The following PTPRT variants were observed in gnomAD, a reference collection of about 807,000 sequenced individuals.
PTPRT encodes protein tyrosine phosphatase receptor type T.
In PTPRT, 56 loss-of-function variants were observed where a neutral mutation model predicts 176.8. The ratio of observed to expected loss-of-function variants is 0.32; its 90% CI spans 0.26 to 0.40. The LOEUF (loss-of-function observed/expected upper bound fraction) is 0.40, where lower values mean the gene tolerates loss of function less well. Ranked by LOEUF, PTPRT falls within the 10% of genes least tolerant of loss-of-function variation. PTPRT has a pLI of 1.00. For missense variants in PTPRT, 1,540 were observed against 1,908.2 expected (o/e 0.81, Z 3.60); for synonymous variants, 783 against 739.0 (o/e 1.06, Z -0.96).
At chr20:43,083,349 T>TACATATATATATATATATATATATATAC (rs1568774159) in intron 1 of PTPRT, among the ~76,000 whole-genome samples, 3 of 117,402 alleles carry the variant, frequency 2.6e-5, no homozygotes, top group African/African-American at 1.0e-4. Context: ...TATATATATA[T>TACATATATATATATATATATATATATAC]ATATATATAT....
At chr20:42,491,723 G>T (rs1048413736) in intron 7 of PTPRT, among the ~76,000 whole-genome samples, 1 of 152,082 alleles carries the variant, frequency 6.6e-6, no homozygotes, top group African/African-American at 2.4e-5. Context: ...CCAACTTCCA[G>T]ATCTATGAGA....
At chr20:42,103,754 A>G (rs1368589978) in intron 25 of PTPRT, among the ~76,000 whole-genome samples, 1 of 152,236 alleles carries the variant, frequency 6.6e-6, no homozygotes, top group Non-Finnish European at 1.5e-5. Context: ...CCAGGGATGA[A>G]GGAGCATGAA....
chr20:42,269,425 TG>T (rs915319716), intron 13 of PTPRT, among the ~76,000 whole-genome samples: 25 of 152,170 alleles, frequency 1.6e-4, no homozygotes, highest in African/African-American at 6.0e-4. Flanking sequence ...GCAAGGACTT[TG>T]AGAGAGGTGA....
At chr20:42,899,439 T>A (rs1168424036) in intron 1 of PTPRT, among the ~76,000 whole-genome samples, 1 of 152,238 alleles carries the variant, frequency 6.6e-6, no homozygotes, top group Non-Finnish European at 1.5e-5. Context: ...GGAACACTCT[T>A]GCCCTAGCAC....
chr20:43,111,077 G>A (rs973647850), intron 1 of PTPRT, among the ~76,000 whole-genome samples: 1 of 152,178 alleles, frequency 6.6e-6, no homozygotes, highest in African/African-American at 2.4e-5. Context: ...AAGGAAACAT[G>A]AGTTATCGTG....
intron 16 of PTPRT, among the ~76,000 whole-genome samples, chr20:42,198,548 G>T (rs1991323462): frequency 6.6e-6 from 1 of 152,208 alleles, no homozygotes; most frequent in African/African-American, 2.4e-5. Flanking sequence ...AAGCAAGTCT[G>T]TCCACAAGGA....
intron 18 of PTPRT, among the ~76,000 whole-genome samples, chr20:42,131,667 C>T (rs535944706): frequency 6.6e-6 from 1 of 152,246 alleles, no homozygotes; most frequent in South Asian, 2.1e-4. Flanking sequence ...CTACTATGTG[C>T]CAGGCTAGTT....
At chr20:42,110,950 G>GTGAT (rs890241588) in intron 22 of PTPRT, among the ~76,000 whole-genome samples, 2 of 152,250 alleles carry the variant, frequency 1.3e-5, no homozygotes, top group African/African-American at 4.8e-5. Context: ...AGCCTTGGCT[G>GTGAT]TGATAGTCTG....
Position 43,086,489 on chromosome 20 carries a change from C to G in PTPRT, c.88+103157G>C, listed in dbSNP as rs187784839. 4.6e-5 allele frequency among the ~76,000 whole-genome samples: 7 copies of G among 152,356 alleles called. No homozygotes were observed. In the South Asian group the frequency reaches 1.2e-3, roughly 27 times the overall value. ...ACTTCAGAAATGACTTTAACATCGA[C>G]AGCCAAAGCAAAACCTTTAACTAGA... On this transcript the variant is annotated intron_variant, in intron 1 of 30. Transcript: ENST00000373187.
chr20:43,104,027 C>A (rs1461277524), intron 1 of PTPRT, among the ~76,000 whole-genome samples: 1 of 152,188 alleles, frequency 6.6e-6, no homozygotes, highest in Non-Finnish European at 1.5e-5. Context: ...ACTTTTCTAG[C>A]ACTTTCATAA....
Position 42,622,787 on chromosome 20 carries a change from C to T in PTPRT, c.1153+55079G>A, listed in dbSNP as rs73618855. Among the ~76,000 whole-genome samples the T allele has an allele frequency of 1.1e-4, 17 of 152,314 alleles. No individual in the cohort carries two copies. The East Asian group carries it at 1.2e-3, about 10-fold the overall frequency. The stretch of plus-strand genomic sequence containing the variant: ...GCATGGATCTTACAGAACATGGAGT[C>T]CAGCACTGATACGGACAGGAGATAG... On this transcript the variant is annotated intron_variant, in intron 7 of 30. Transcript: ENST00000373187.
chr20:42,192,340 C>T lies in PTPRT; in HGVS notation c.2491+6900G>A, dbSNP rs192476529. ...CCTCTATTGTTTTAAAAGCCATGAT[C>T]CGTCTTCCCTATTTGAATTGCTTTA... On this transcript the variant is annotated intron_variant, in intron 16 of 30. Coordinates refer to ENST00000373187, the MANE Select transcript of PTPRT (RefSeq NM_007050.6). Among the ~76,000 whole-genome samples the T allele has an allele frequency of 4.5e-3, 678 of 152,284 alleles. 3 individuals are homozygous for T. The highest frequency in any genetic ancestry group is 0.015 in the African/African-American group (642 of 41,548).
intron 1 of PTPRT, among the ~76,000 whole-genome samples, chr20:42,978,803 G>C (rs144998689): frequency 6.6e-6 from 1 of 152,152 alleles, no homozygotes; most frequent in South Asian, 2.1e-4. Flanking sequence ...CCATGGCAAC[G>C]TCAGGAAGTT....
intron 7 of PTPRT, among the ~76,000 whole-genome samples, chr20:42,493,159 T>C (rs1467171308): frequency 2.0e-5 from 3 of 152,174 alleles, no homozygotes; most frequent in Non-Finnish European, 4.4e-5. Context: ...CATTTACCTC[T>C]TACACTTACA....
intron 6 of PTPRT, among the ~76,000 whole-genome samples, chr20:42,728,198 C>T (rs1411122596): frequency 1.3e-5 from 2 of 152,166 alleles, no homozygotes; most frequent in African/African-American, 2.4e-5. Flanking sequence ...TATCTCTAAG[C>T]CAGTGCCTCT....
chr20:42,390,774 A>C lies in PTPRT; in HGVS notation c.1561-38489T>G, dbSNP rs145601761. Among the ~76,000 whole-genome samples, 512 of 152,254 alleles carry C rather than the reference A, an allele frequency of 3.4e-3. 4 individuals carry two copies. Among genetic ancestry groups the C allele is most frequent in the African/African-American group, 0.012 (500 of 41,548 alleles). On this transcript the variant is annotated intron_variant, in intron 9 of 30. Transcript: ENST00000373187. ...CTGGGCCAGAACCATAAGCTAAGTC[A>C]CTCTAAGATTCCTGACTCTCACAAA...
intron 1 of PTPRT, among the ~76,000 whole-genome samples, chr20:42,940,268 T>C (rs1427828642): frequency 2.0e-5 from 3 of 152,238 alleles, no homozygotes; most frequent in African/African-American, 7.2e-5. Flanking sequence ...TATACTTTAC[T>C]GGCTCTGGAC....
chr20:42,449,245 T>C lies in PTPRT; in HGVS notation c.1451-916A>G, dbSNP rs188407699. Among the ~76,000 whole-genome samples the C allele has an allele frequency of 2.4e-3, 361 of 152,312 alleles. 2 individuals are homozygous for C. Among genetic ancestry groups the C allele is most frequent in the African/African-American group, 7.8e-3 (325 of 41,574 alleles). On this transcript the variant is annotated intron_variant, in intron 8 of 30. Coordinates refer to ENST00000373187, the MANE Select transcript of PTPRT (RefSeq NM_007050.6). ...GAAGTAGATGCATAATAACTATTTG[T>C]TGGTTGGATGAATAGGTGAATGAAT...
At chr20:42,762,677 G>A (rs2076931468) in intron 5 of PTPRT, among the ~76,000 whole-genome samples, 3 of 152,200 alleles carry the variant, frequency 2.0e-5, no homozygotes, top group Non-Finnish European at 2.9e-5. Context: ...GGCTCTATCT[G>A]CATATCAAGC....
Sources: gnomAD v4.1 joint callset for allele counts (sites outside exome capture counted in the v4.1 genomes callset) on GRCh38, gnomAD v4.1.1 for gene constraint, MANE v1.5 for transcripts, NCBI Gene and HGNC (gene_info 2026-07-23, HGNC 2026-07-21) for gene names.